GUCY1A2: variants seen among roughly 807,000 people sequenced by gnomAD.
GUCY1A2 encodes the protein guanylate cyclase soluble subunit alpha-2.
GUCY1A2 carries 27 observed loss-of-function variants against 63.5 expected under a neutral mutation model. The observed-to-expected ratio is 0.43, with a 90% confidence interval of 0.31 to 0.59. GUCY1A2 has a LOEUF of 0.59. GUCY1A2 is among the 20% of genes least tolerant of loss of function. The probability of loss-of-function intolerance (pLI) is 0.11; values close to 1 mark genes in which losing one functional copy is unlikely to be tolerated. For synonymous variants in GUCY1A2, 364 were observed against 343.5 expected, an observed-to-expected ratio of 1.06 and a Z score of -0.66; for missense variants, 768 against 913.3, an observed-to-expected ratio of 0.84 and a Z score of 2.05.
chr11:106,764,816 G>A (rs1162340021), intron 6 of GUCY1A2, among the ~76,000 whole-genome samples: 4 of 151,850 alleles, frequency 2.6e-5, no homozygotes, highest in Non-Finnish European at 5.9e-5. Context: ...AAAAAGCAAA[G>A]CTTTTTTCTT....
chr11:106,786,904 A>C (rs2135409528), intron 5 of GUCY1A2, among the ~76,000 whole-genome samples: 1 of 152,304 alleles, frequency 6.6e-6, no homozygotes, highest in Non-Finnish European at 1.5e-5. Context: ...TATTGAGTCT[A>C]TTATTTTTCA....
intron 4 of GUCY1A2, among the ~76,000 whole-genome samples, chr11:106,922,940 G>A (rs1018603303): frequency 6.6e-6 from 1 of 151,670 alleles, no homozygotes; most frequent in South Asian, 2.1e-4. Flanking sequence ...CTAGGGACTC[G>A]AGGTCAAAAT....
At chr11:106,898,456 T>C (rs1450978767) in intron 4 of GUCY1A2, among the ~76,000 whole-genome samples, 2 of 152,176 alleles carry the variant, frequency 1.3e-5, no homozygotes, top group Non-Finnish European at 2.9e-5. Context: ...GATGTCCTTC[T>C]ATAGGTGAGT....
chr11:106,978,414 G>A (rs1861290491), intron 3 of GUCY1A2, among the ~76,000 whole-genome samples: 1 of 152,130 alleles, frequency 6.6e-6, no homozygotes. Context: ...TTGTTTTGAT[G>A]TTTTTCCATC....
At chr11:106,954,017 ATTC>A (rs1423013156) in intron 3 of GUCY1A2, among the ~76,000 whole-genome samples, 3 of 151,598 alleles carry the variant, frequency 2.0e-5, no homozygotes, top group Non-Finnish European at 2.9e-5. Flanking sequence ...ATCTCCTTCA[ATTC>A]TTCTCTGATC....
Position 106,824,998 on chromosome 11 carries a change from C to T in GUCY1A2, c.1207-14520G>A, listed in dbSNP as rs759856780. 17 of 1,603,734 alleles carry T rather than the reference C, an allele frequency of 1.1e-5. 1 individual carries two copies. The Admixed American group carries it at 2.4e-4, about 23-fold the overall frequency. ...ATTTTCTAATTAAAGATGGTTTATG[C>T]ATGTATATGCCACTATTTTTGTAGT... On this transcript the variant is annotated intron_variant, in intron 4 of 7. Transcript: ENST00000526355.
intron 4 of GUCY1A2, among the ~76,000 whole-genome samples, chr11:106,918,345 A>G (rs1046886723): frequency 3.4e-5 from 5 of 145,688 alleles, no homozygotes; most frequent in Non-Finnish European, 4.6e-5. Context: ...GCAACTGTCC[A>G]ATTTGCCTTC....
intron 4 of GUCY1A2, among the ~76,000 whole-genome samples, chr11:106,894,585 A>T (rs569743706): frequency 6.6e-6 from 1 of 152,212 alleles, no homozygotes; most frequent in African/African-American, 2.4e-5. Context: ...AAAGACTAGA[A>T]GTCTTACAAT....
intron 4 of GUCY1A2, among the ~76,000 whole-genome samples, chr11:106,928,174 A>G (rs914714796): frequency 6.6e-6 from 1 of 152,184 alleles, no homozygotes; most frequent in African/African-American, 2.4e-5. Context: ...TCACAGAGAG[A>G]AAGAGATTCC....
At chr11:106,711,927 CTA>C (rs142410824) in intron 6 of GUCY1A2, among the ~76,000 whole-genome samples, 2,194 of 152,128 alleles carry the variant, frequency 0.014, 55 homozygotes, top group African/African-American at 0.05. Context: ...CTTAATTCTT[CTA>C]TATATAACAT....
At chr11:106,757,291 G>C (rs899151330) in intron 6 of GUCY1A2, among the ~76,000 whole-genome samples, 2 of 152,070 alleles carry the variant, frequency 1.3e-5, no homozygotes, top group Admixed American at 1.3e-4. Context: ...CATTGGGTGA[G>C]AACATGCTCC....
chr11:106,888,275 C>T (rs924670211), intron 4 of GUCY1A2, among the ~76,000 whole-genome samples: 7 of 150,632 alleles, frequency 4.6e-5, no homozygotes, highest in Non-Finnish European at 7.4e-5. Context: ...TGGCTAACAC[C>T]GTGAAACCCC....
intron 4 of GUCY1A2, among the ~76,000 whole-genome samples, chr11:106,883,551 C>A (rs1859856302): frequency 1.3e-5 from 2 of 151,978 alleles, no homozygotes; most frequent in Non-Finnish European, 2.9e-5. Flanking sequence ...AGAGATATAC[C>A]AGGCAATTTT....
intron 4 of GUCY1A2, among the ~76,000 whole-genome samples, chr11:106,938,532 T>C (rs1860709303): frequency 6.6e-6 from 1 of 152,166 alleles, no homozygotes. Flanking sequence ...CTAAAAGAAC[T>C]TTATTTACCC....
intron 3 of GUCY1A2, among the ~76,000 whole-genome samples, chr11:106,955,000 CAG>C (rs141393616): frequency 0.24 from 35,780 of 150,922 alleles, 4,339 homozygotes; most frequent in African/African-American, 0.3. Context: ...TTTTTTGAGA[CAG>C]AGTTTTGCTC....
chr11:106,777,155 A>G (rs1156317270), intron 5 of GUCY1A2, among the ~76,000 whole-genome samples: 3 of 152,166 alleles, frequency 2.0e-5, no homozygotes, highest in African/African-American at 7.2e-5. Flanking sequence ...TCCTACATGA[A>G]AGAAACAAGT....
intron 6 of GUCY1A2, among the ~76,000 whole-genome samples, chr11:106,736,501 T>TA (rs1385606698): frequency 2.0e-5 from 3 of 152,136 alleles, no homozygotes; most frequent in Non-Finnish European, 4.4e-5. Flanking sequence ...TGTCTATTTT[T>TA]ATGCCAGTAC....
At chr11:107,016,319 A>G (rs1180794654) in intron 1 of GUCY1A2, among the ~76,000 whole-genome samples, 1 of 152,260 alleles carries the variant, frequency 6.6e-6, no homozygotes, top group Non-Finnish European at 1.5e-5. Context: ...CAGGGTGAGC[A>G]TAAAAGATGG....
At chr11:106,892,975 G>A (rs1003890474) in intron 4 of GUCY1A2, among the ~76,000 whole-genome samples, 1 of 151,994 alleles carries the variant, frequency 6.6e-6, no homozygotes, top group Non-Finnish European at 1.5e-5. Flanking sequence ...TAGAAAAGTG[G>A]GGCGGATGTA....
Sources: gnomAD v4.1 joint callset for allele counts (sites outside exome capture counted in the v4.1 genomes callset) on GRCh38, gnomAD v4.1.1 for gene constraint, MANE v1.5 for transcripts, NCBI Gene and HGNC (gene_info 2026-07-23, HGNC 2026-07-21) for gene names.